Variants in XKR4 observed in about 807,000 individuals in gnomAD.
XKR4 encodes XK related 4.
Under a neutral mutation model 53.9 loss-of-function variants are expected in XKR4, and 12 were observed. The observed-to-expected ratio is 0.22, with a 90% CI of 0.14 to 0.36. The LOEUF is 0.36. XKR4 is among the 10% of genes least tolerant of loss of function. The probability of loss-of-function intolerance (pLI) is 1.00; values close to 1 mark genes in which losing one functional copy is unlikely to be tolerated. For synonymous variants in XKR4, 354 were observed against 362.4 expected (o/e 0.98, Z 0.26); for missense variants, 799 against 859.5 (o/e 0.93, Z 0.88).
intron 1 of XKR4, among the ~76,000 whole-genome samples, chr8:55,203,522 G>GA (rs2129362544): frequency 6.6e-6 from 1 of 152,346 alleles, no homozygotes; most frequent in African/African-American, 2.4e-5. Flanking sequence ...GATGATGTAA[G>GA]ATAGGCTTGG....
intron 2 of XKR4, among the ~76,000 whole-genome samples, chr8:55,440,779 G>A (rs954414079): frequency 6.6e-6 from 1 of 151,940 alleles, no homozygotes; most frequent in African/African-American, 2.4e-5. Context: ...AAACATGAGA[G>A]CAATTAGGCT....
chr8:55,249,046 T>G (rs375343213), intron 1 of XKR4, among the ~76,000 whole-genome samples: 23 of 152,304 alleles, frequency 1.5e-4, no homozygotes, highest in African/African-American at 5.3e-4. Flanking sequence ...GATCTTTAAG[T>G]ATGGTTCCTA....
intron 1 of XKR4, among the ~76,000 whole-genome samples, chr8:55,139,049 A>G (rs1816666468): frequency 6.6e-6 from 1 of 152,350 alleles, no homozygotes; most frequent in South Asian, 2.1e-4. Context: ...GTGAAAGTGT[A>G]CATGGTACCT....
intron 1 of XKR4, among the ~76,000 whole-genome samples, chr8:55,142,814 C>T (rs1340957583): frequency 2.6e-5 from 4 of 152,194 alleles, no homozygotes; most frequent in Non-Finnish European, 2.9e-5. Context: ...CATACGTGCA[C>T]AAACAAACAC....
chr8:55,433,109 T>G (rs974536564), intron 2 of XKR4, among the ~76,000 whole-genome samples: 2 of 152,250 alleles, frequency 1.3e-5, no homozygotes, highest in Admixed American at 6.5e-5. Context: ...TGACACTTTT[T>G]TCACAGTAAC....
intron 1 of XKR4, among the ~76,000 whole-genome samples, chr8:55,179,871 A>G (rs1305836273): frequency 6.6e-6 from 1 of 152,220 alleles, no homozygotes; most frequent in Non-Finnish European, 1.5e-5. Flanking sequence ...ATAAAATTAC[A>G]TATTTGAATA....
At chr8:55,186,925 C>T (rs1817387133) in intron 1 of XKR4, among the ~76,000 whole-genome samples, 1 of 151,698 alleles carries the variant, frequency 6.6e-6, no homozygotes, top group Non-Finnish European at 1.5e-5. Context: ...ATTATATGAG[C>T]TATGATTACT....
At chr8:55,426,622 G>A (rs1352578614) in intron 2 of XKR4, among the ~76,000 whole-genome samples, 2 of 152,020 alleles carry the variant, frequency 1.3e-5, no homozygotes, top group Admixed American at 6.6e-5. Flanking sequence ...ACTGCTAAAC[G>A]AATGAATGAA....
At chr8:55,516,384 G>A (rs944522267) in intron 2 of XKR4, among the ~76,000 whole-genome samples, 1 of 152,212 alleles carries the variant, frequency 6.6e-6, no homozygotes. Context: ...GAATGGTCAT[G>A]TGATCATCTC....
At chr8:55,164,582 T>C (rs1010976772) in intron 1 of XKR4, 3 of 380,162 alleles carry the variant, frequency 7.9e-6, no homozygotes, top group Non-Finnish European at 1.6e-5. Context: ...TGAATGCCCA[T>C]GGGCCTAGCC....
chr8:55,168,119 G>A (rs9643838), intron 1 of XKR4, among the ~76,000 whole-genome samples: 4,929 of 152,222 alleles, frequency 0.032, 213 homozygotes, highest in East Asian at 0.12. Flanking sequence ...GAAGAGAATC[G>A]TACAGAAAGT....
At chr8:55,244,572 C>A (rs970629954) in intron 1 of XKR4, among the ~76,000 whole-genome samples, 2 of 152,078 alleles carry the variant, frequency 1.3e-5, no homozygotes, top group Non-Finnish European at 2.9e-5. Flanking sequence ...TATTCCTTTG[C>A]GTATATACCT....
At chr8:55,371,105 G>A (rs117458444) in intron 2 of XKR4, among the ~76,000 whole-genome samples, 1,644 of 150,572 alleles carry the variant, frequency 0.011, 13 homozygotes, top group Middle Eastern at 0.027. Flanking sequence ...AAGGGAAGTA[G>A]CAATGCCATG....
intron 1 of XKR4, among the ~76,000 whole-genome samples, chr8:55,284,070 C>T (rs566042576): frequency 2.0e-5 from 3 of 152,234 alleles, no homozygotes; most frequent in South Asian, 2.1e-4. Flanking sequence ...GGTACTATGC[C>T]TAGAAACCTA....
chr8:55,465,743 A>G lies in XKR4; in HGVS notation c.1007-57538A>G, dbSNP rs1355899166. Among the ~76,000 whole-genome samples, 5 of 152,188 alleles carry G rather than the reference A, an allele frequency of 3.3e-5. 1 individual carries two copies. Among genetic ancestry groups the G allele is most frequent in the African/African-American group, 9.7e-5 (4 of 41,438 alleles). On this transcript the variant is annotated intron_variant, in intron 2 of 2. Coordinates refer to ENST00000327381, the MANE Select transcript of XKR4 (RefSeq NM_052898.2). ...AATTTTTGCAACCTACTCATCTGACAAAGGGCTAATATCCAGAATCTACAA... is the reference window on the plus strand; with the variant it reads ...AATTTTTGCAACCTACTCATCTGACGAAGGGCTAATATCCAGAATCTACAA...
intron 2 of XKR4, among the ~76,000 whole-genome samples, chr8:55,468,323 G>A (rs1585591290): frequency 6.6e-6 from 1 of 151,964 alleles, no homozygotes; most frequent in East Asian, 1.9e-4. Flanking sequence ...TTCATTTCTT[G>A]TCTTGGACTG....
In XKR4 at chr8:55,471,706, G is replaced by A. The variant is rs116142951; in HGVS notation, c.1007-51575G>A. On this transcript the variant is annotated intron_variant, in intron 2 of 2. Transcript: ENST00000327381. ...CTGGTGGGAGGTGATTGGATCATGG[G>A]GCAGATCCCTCATGAATGGTTAACA... Among the ~76,000 whole-genome samples the A allele has an allele frequency of 1.8e-3, 280 of 152,236 alleles. 2 individuals are homozygous for A. Among genetic ancestry groups the A allele is most frequent in the African/African-American group, 6.4e-3 (267 of 41,508 alleles).
At chr8:55,323,081 C>T (rs1803239966) in intron 1 of XKR4, among the ~76,000 whole-genome samples, 1 of 152,124 alleles carries the variant, frequency 6.6e-6, no homozygotes, top group Non-Finnish European at 1.5e-5. Flanking sequence ...ATAGTTCTAG[C>T]TTGCTAAAAT....
At chr8:55,138,780 T>A (rs542174679) in intron 1 of XKR4, among the ~76,000 whole-genome samples, 3 of 152,220 alleles carry the variant, frequency 2.0e-5, no homozygotes, top group Non-Finnish European at 4.4e-5. Context: ...GAGGTGGTTC[T>A]TTTGCTTGCT....
Sources: gnomAD v4.1 joint callset for allele counts (sites outside exome capture counted in the v4.1 genomes callset) on GRCh38, gnomAD v4.1.1 for gene constraint, MANE v1.5 for transcripts, NCBI Gene and HGNC (gene_info 2026-07-23, HGNC 2026-07-21) for gene names.